Variants in ATF3 observed in about 807,000 individuals in gnomAD.
ATF3 encodes activating transcription factor 3, also known as cyclic AMP-dependent transcription factor ATF-3.
A neutral mutation model predicts 18.4 loss-of-function variants in ATF3; 10 were observed. That is an observed-to-expected ratio of 0.54 (90% CI 0.34 to 0.92). The LOEUF is 0.92. Ranked by LOEUF, ATF3 falls within the 40% of genes least tolerant of loss-of-function variation. The probability of loss-of-function intolerance (pLI) is 0.02; values close to 1 mark genes in which losing one functional copy is unlikely to be tolerated. For missense variants in ATF3, 183 were observed against 222.3 expected (o/e 0.82, Z 1.12); for synonymous variants, 78 against 87.9 (o/e 0.89, Z 0.63).
chr1:212,618,665 C>A lies in ATF3; in HGVS notation c.348+431C>A, dbSNP rs1655237403. 1 of 415,438 alleles carries A rather than the reference C, an allele frequency of 2.4e-6. No homozygotes were observed. Among genetic ancestry groups the A allele is most frequent in the Non-Finnish European group, 4.5e-6 (1 of 224,146 alleles). The allele number at this position is 415,438 out of a possible 1,614,324, so 25.7% of individuals were successfully genotyped here. ...CCTTAATCCACAAGCAGTGGTTACA[C>A]TTGCTTTGCATTCTTGTCTGGTTCC... On this transcript the variant is annotated intron_variant, in intron 3 of 3. Coordinates refer to ENST00000341491, the MANE Select transcript of ATF3 (RefSeq NM_001674.4). The surrounding 1 kb of genome is among the most constrained non-coding windows in gnomAD (Gnocchi z 4.4).
intron 1 of ATF3, among the ~76,000 whole-genome samples, chr1:212,570,187 G>A (rs931522039): frequency 3.9e-5 from 6 of 152,050 alleles, no homozygotes; most frequent in African/African-American, 1.4e-4. Context: ...ACATTTGAAT[G>A]TAAGTTATAT....
intron 1 of ATF3, among the ~76,000 whole-genome samples, chr1:212,570,602 G>A (rs1664463285): frequency 6.6e-6 from 1 of 152,072 alleles, no homozygotes; most frequent in African/African-American, 2.4e-5. Context: ...AAGCTCCCTC[G>A]TGTTCTCTCC....
chr1:212,617,655 G>A (rs1292242170), intron 2 of ATF3, among the ~76,000 whole-genome samples: 1 of 152,234 alleles, frequency 6.6e-6, no homozygotes, highest in Non-Finnish European at 1.5e-5. Flanking sequence ...GGTGAAGTCA[G>A]AGGTGAATGG....
At chr1:212,607,639 C>A (rs1156382698), upstream of ATF3, among the ~76,000 whole-genome samples, 1 of 152,250 alleles carries the variant, frequency 6.6e-6, no homozygotes, top group Non-Finnish European at 1.5e-5. Flanking sequence ...CCGTCCGGTC[C>A]CAGTCCAATC....
chr1:212,586,295 C>T (rs72756348), intron 1 of ATF3, among the ~76,000 whole-genome samples: 6,297 of 152,232 alleles, frequency 0.041, 132 homozygotes, highest in Middle Eastern at 0.065. Flanking sequence ...ACAGGCAGCT[C>T]CCCTATGTCT....
intron 1 of ATF3, among the ~76,000 whole-genome samples, chr1:212,597,578 C>A (rs932419266): frequency 2.0e-5 from 3 of 152,116 alleles, no homozygotes. Flanking sequence ...ATGTTCCAGG[C>A]CAGTAAGTGG....
Position 212,575,985 on chromosome 1 carries a change from G to T in ATF3, c.-5+10502G>T, listed in dbSNP as rs557441933. Among the ~76,000 whole-genome samples, 21 of 152,136 alleles carry T rather than the reference G, an allele frequency of 1.4e-4. No homozygotes were observed. In the East Asian group the frequency reaches 3.9e-3, roughly 28 times the overall value. On this transcript the variant is annotated intron_variant, in intron 1 of 3. Transcript: ENST00000366981. ...CTGGCTTTAATATCTCAAAAAATAA[G>T]TTCGGAAATTCTCTTCCTTTTTCCT...
In ATF3 at chr1:212,619,707, C is replaced by T. The variant is rs915134517; in HGVS notation, c.*152C>T. 7.4e-5 allele frequency: 77 copies of T among 1,043,202 alleles called. No homozygotes were observed. The African/African-American group carries it at 1.2e-3, about 16-fold the overall frequency. 64.6% of individuals were successfully genotyped at this position (1,043,202 alleles called of 1,614,324 possible). On this transcript the variant is annotated 3_prime_UTR_variant, in exon 4 of 4. Coordinates refer to ENST00000341491, the MANE Select transcript of ATF3 (RefSeq NM_001674.4). The surrounding 1 kb of genome is among the most constrained non-coding windows in gnomAD (Gnocchi z 4.4). Reference sequence around the variant, plus strand: ...GGCGGGAGGGCCTGCAGTGATTCAGCAGGCCCTTCCCATTCTGCCCCAGAG... The same window carrying T: ...GGCGGGAGGGCCTGCAGTGATTCAGTAGGCCCTTCCCATTCTGCCCCAGAG...
chr1:212,607,684 C>G (rs4951627), upstream of ATF3, among the ~76,000 whole-genome samples: 131,836 of 152,202 alleles, frequency 0.87, 57,364 homozygotes, highest in East Asian at 1. Context: ...GAAAGCTGAA[C>G]ATGGGTTTTC....
chr1:212,606,377 C>A (rs1654624210), upstream of ATF3, among the ~76,000 whole-genome samples: 1 of 152,184 alleles, frequency 6.6e-6, no homozygotes, highest in South Asian at 2.1e-4. Context: ...TTGGAGATTC[C>A]AAACTAAGAG....
chr1:212,617,969 G>C (rs1020426683), intron 2 of ATF3, among the ~76,000 whole-genome samples, 158 bp from the exon 3 acceptor site: 1 of 151,840 alleles, frequency 6.6e-6, no homozygotes, highest in Admixed American at 6.6e-5. Flanking sequence ...GTGTGTGTAG[G>C]GGTTTTCACA....
chr1:212,573,005 A>G (rs1664513144), intron 1 of ATF3, among the ~76,000 whole-genome samples: 1 of 152,152 alleles, frequency 6.6e-6, no homozygotes, highest in African/African-American at 2.4e-5. Flanking sequence ...ATCGATTCTA[A>G]TAATTCTTAG....
chr1:212,568,934 T>C (rs1418531573), intron 1 of ATF3, among the ~76,000 whole-genome samples: 2 of 152,230 alleles, frequency 1.3e-5, no homozygotes, highest in African/African-American at 2.4e-5. Flanking sequence ...AAAAGGCTCC[T>C]TACTTCTGAT....
chr1:212,566,815 A>G (rs1320008577), intron 1 of ATF3, among the ~76,000 whole-genome samples: 6 of 152,124 alleles, frequency 3.9e-5, no homozygotes, highest in African/African-American at 1.4e-4. Context: ...CCTGGTTCCT[A>G]TTGGTGCCCA....
intron 1 of ATF3, among the ~76,000 whole-genome samples, chr1:212,590,935 G>C (rs912030725): frequency 6.6e-6 from 1 of 152,206 alleles, no homozygotes; most frequent in Non-Finnish European, 1.5e-5. Flanking sequence ...CCTTTATCAT[G>C]TGCCTGGTTT....
At chr1:212,605,492 T>C (rs1293288352), upstream of ATF3, among the ~76,000 whole-genome samples, 2 of 152,378 alleles carry the variant, frequency 1.3e-5, no homozygotes, top group East Asian at 3.9e-4. Flanking sequence ...CTGGCAGATC[T>C]TATCTTGTGT....
chr1:212,567,180 C>G (rs1366310663), intron 1 of ATF3, among the ~76,000 whole-genome samples: 1 of 151,524 alleles, frequency 6.6e-6, no homozygotes, highest in Non-Finnish European at 1.5e-5. Flanking sequence ...TTTTTGAAGC[C>G]CCAGGCACTG....
chr1:212,612,896 C>T (rs1354823311), intron 1 of ATF3, among the ~76,000 whole-genome samples: 1 of 152,200 alleles, frequency 6.6e-6, no homozygotes, highest in Non-Finnish European at 1.5e-5. Context: ...GGAGAGATCT[C>T]TGGGAGGCCT....
intron 1 of ATF3, among the ~76,000 whole-genome samples, chr1:212,587,750 C>T (rs532528234): frequency 2.6e-4 from 39 of 152,310 alleles, no homozygotes; most frequent in African/African-American, 9.1e-4. Flanking sequence ...TGTGTATCTC[C>T]TGCCTTTCGT....
Sources: allele counts gnomAD v4.1 joint callset (sites outside exome capture counted in the v4.1 genomes callset), GRCh38; gene constraint gnomAD v4.1.1; non-coding constraint Gnocchi (gnomAD v3.1); transcripts MANE v1.5; gene names NCBI Gene and HGNC (gene_info 2026-07-23, HGNC 2026-07-21).